Variants in GRIA1 observed in about 807,000 individuals in gnomAD.
GRIA1 encodes the protein glutamate ionotropic receptor AMPA type subunit 1, also known as glutamate receptor 1.
In GRIA1, 31 loss-of-function variants were observed where a neutral mutation model predicts 99.2. The ratio of observed to expected loss-of-function variants is 0.31; its 90% CI spans 0.23 to 0.42. The LOEUF is 0.42. Among genes scored for constraint, GRIA1 ranks in the 10% least tolerant of loss-of-function variants. The pLI is 1.00. For synonymous variants in GRIA1, 438 were observed against 432.4 expected, an observed-to-expected ratio of 1.01 and a Z score of -0.16; for missense variants, 782 against 1,157.5, an observed-to-expected ratio of 0.68 and a Z score of 4.71.
intron 11 of GRIA1, among the ~76,000 whole-genome samples, chr5:153,759,997 C>A (rs1361174516): frequency 4.6e-5 from 7 of 151,982 alleles, no homozygotes; most frequent in African/African-American, 7.2e-5. Context: ...AATTCAGCAA[C>A]CTTTTATGAC....
intron 2 of GRIA1, among the ~76,000 whole-genome samples, chr5:153,629,941 T>C (rs765915020): frequency 1.3e-5 from 2 of 152,226 alleles, no homozygotes; most frequent in Non-Finnish European, 2.9e-5. Flanking sequence ...ATAAATTTAC[T>C]TATTCAGTGA....
intron 2 of GRIA1, among the ~76,000 whole-genome samples, chr5:153,560,403 A>C (rs1255973990): frequency 1.3e-5 from 2 of 152,170 alleles, no homozygotes; most frequent in Non-Finnish European, 2.9e-5. Flanking sequence ...GGAGGCTGAT[A>C]TGGTGTGGCT....
chr5:153,785,498 T>G (rs1172393863), intron 13 of GRIA1, among the ~76,000 whole-genome samples: 1 of 152,144 alleles, frequency 6.6e-6, no homozygotes, highest in Non-Finnish European at 1.5e-5. Flanking sequence ...CAAAAAAAAT[T>G]ACCGTCTCTT....
intron 15 of GRIA1, among the ~76,000 whole-genome samples, chr5:153,809,126 TTCCAAGCTAA>T (rs1766637062): frequency 6.6e-6 from 1 of 152,216 alleles, no homozygotes; most frequent in Non-Finnish European, 1.5e-5. Flanking sequence ...ATGATAGACA[TTCCAAGCTAA>T]TCTATAGAAG....
At chr5:153,682,270 A>G (rs7719292) in intron 7 of GRIA1, among the ~76,000 whole-genome samples, 26,240 of 152,086 alleles carry the variant, frequency 0.17, 2,700 homozygotes, top group Non-Finnish European at 0.22. Context: ...GCAACTGCAA[A>G]GGGGATACAG....
At chr5:153,621,087 G>A (rs1170425926) in intron 2 of GRIA1, among the ~76,000 whole-genome samples, 1 of 152,184 alleles carries the variant, frequency 6.6e-6, no homozygotes, top group East Asian at 1.9e-4. Flanking sequence ...AGGAATCCAT[G>A]TATTAATACA....
intron 2 of GRIA1, among the ~76,000 whole-genome samples, chr5:153,552,732 G>A (rs1003430286): frequency 6.6e-6 from 1 of 152,096 alleles, no homozygotes; most frequent in Admixed American, 6.6e-5. Context: ...CAGATTCTGT[G>A]GGGGCAGGGT....
intron 2 of GRIA1, among the ~76,000 whole-genome samples, chr5:153,517,518 A>G (rs1043691777): frequency 3.3e-5 from 5 of 152,200 alleles, no homozygotes; most frequent in African/African-American, 1.2e-4. Flanking sequence ...TAAGGGAAAC[A>G]GACATGAGAT....
intron 9 of GRIA1, among the ~76,000 whole-genome samples, chr5:153,698,645 C>T (rs1758293099): frequency 6.6e-6 from 1 of 152,240 alleles, no homozygotes; most frequent in South Asian, 2.1e-4. Flanking sequence ...AAGCTGTATG[C>T]CATATCTCAG....
At chr5:153,724,509 G>A (rs558649734) in intron 11 of GRIA1, among the ~76,000 whole-genome samples, 3 of 152,184 alleles carry the variant, frequency 2.0e-5, no homozygotes, top group Admixed American at 2.0e-4. Context: ...AAAAAATTTA[G>A]ATGAATGTAT....
intron 4 of GRIA1, among the ~76,000 whole-genome samples, chr5:153,653,992 T>C (rs775240902): frequency 1.3e-5 from 2 of 152,120 alleles, no homozygotes; most frequent in Non-Finnish European, 2.9e-5. Flanking sequence ...GTCAGTGAGG[T>C]GATGGACCCC....
rs142066865 is a variant in GRIA1, at chr5:153,530,648, T to C, written c.220+36583T>C. ...AGGTGCCACATGGAATAAAAAACAA[T>C]TTGTTCAACAGTTGGGCCTGGGTGT... On this transcript the variant is annotated intron_variant, in intron 2 of 15. Coordinates refer to ENST00000285900, the MANE Select transcript of GRIA1 (RefSeq NM_000827.4). 3.3e-3 allele frequency among the ~76,000 whole-genome samples: 503 copies of C among 152,318 alleles called. 4 individuals are homozygous for C. The highest frequency in any genetic ancestry group is 4.2e-3 in the Non-Finnish European group (288 of 68,034).
At chr5:153,789,271 A>T (rs1002405718) in intron 13 of GRIA1, among the ~76,000 whole-genome samples, 4 of 151,822 alleles carry the variant, frequency 2.6e-5, no homozygotes, top group African/African-American at 9.7e-5. Context: ...TCATAATGGA[A>T]GACCATCACC....
chr5:153,613,440 A>C lies in GRIA1; in HGVS notation c.221-33488A>C, dbSNP rs76922108. Among the ~76,000 whole-genome samples the C allele has an allele frequency of 6.9e-3, 1,050 of 152,278 alleles. 10 individuals are homozygous for C. Among genetic ancestry groups the C allele is most frequent in the African/African-American group, 0.024 (984 of 41,556 alleles). On this transcript the variant is annotated intron_variant, in intron 2 of 15. Transcript: ENST00000285900. ...ATACAAATACTTGCATAAGTCATGC[A>C]CATCTACACACACATACATGTAATA...
At chr5:153,707,080 C>T (rs943096258) in intron 11 of GRIA1, among the ~76,000 whole-genome samples, 1 of 152,056 alleles carries the variant, frequency 6.6e-6, no homozygotes, top group Non-Finnish European at 1.5e-5. Context: ...GATCATGCCA[C>T]TGCACTCCAG....
chr5:153,630,598 C>T (rs1303282503), intron 2 of GRIA1, among the ~76,000 whole-genome samples: 1 of 152,192 alleles, frequency 6.6e-6, no homozygotes, highest in African/African-American at 2.4e-5. Flanking sequence ...AAGCTTCCCA[C>T]CTCAGATCTT....
chr5:153,506,759 C>G (rs1755547845), intron 2 of GRIA1, among the ~76,000 whole-genome samples: 1 of 152,194 alleles, frequency 6.6e-6, no homozygotes, highest in Non-Finnish European at 1.5e-5. Context: ...AGTTTATTAG[C>G]TTTGGGAAAA....
chr5:153,557,092 A>G (rs1008173609), intron 2 of GRIA1, among the ~76,000 whole-genome samples: 1 of 152,212 alleles, frequency 6.6e-6, no homozygotes, highest in South Asian at 2.1e-4. Context: ...AAACTAGTAC[A>G]CCTGTATAAG....
intron 11 of GRIA1, among the ~76,000 whole-genome samples, chr5:153,728,127 T>A (rs1343719557): frequency 1.3e-5 from 2 of 151,744 alleles, no homozygotes; most frequent in Non-Finnish European, 2.9e-5. Context: ...AAATAAGCAA[T>A]GGGGAAAGGA....
Sources: gnomAD v4.1 joint callset for allele counts (sites outside exome capture counted in the v4.1 genomes callset) on GRCh38, gnomAD v4.1.1 for gene constraint, MANE v1.5 for transcripts, NCBI Gene and HGNC (gene_info 2026-07-23, HGNC 2026-07-21) for gene names.